Variants in COL28A1 observed in about 807,000 individuals in gnomAD.
The protein encoded by COL28A1 is collagen type XXVIII alpha 1 chain.
In COL28A1, 161 loss-of-function variants were observed where a neutral mutation model predicts 150.2. That is an observed-to-expected ratio of 1.07 (90% CI 0.94 to 1.22). COL28A1 has a LOEUF of 1.22. Ranked by LOEUF, COL28A1 falls within the 50% of genes most tolerant of loss-of-function variation. The pLI is 0.00. For missense variants in COL28A1, 1,617 were observed against 1,388.3 expected (o/e 1.16, Z -2.62); for synonymous variants, 552 against 469.7 (o/e 1.18, Z -2.26).
At chr7:7,374,038 A>AAAAAAAAAAAATATATATATATATATAT in intron 31 of COL28A1, among the ~76,000 whole-genome samples, 1 of 113,658 alleles carries the variant, frequency 8.8e-6, no homozygotes, top group African/African-American at 3.8e-5. Flanking sequence ...AAAAAAAAAA[A>AAAAAAAAAAAATATATATATATATATAT]ATATATATAT....
At chr7:7,520,777 GCTTT>G (rs1044134053) in intron 5 of COL28A1, among the ~76,000 whole-genome samples, 1 of 152,090 alleles carries the variant, frequency 6.6e-6, no homozygotes, top group African/African-American at 2.4e-5. Flanking sequence ...GCAATTGTGA[GCTTT>G]CTTATTGCTC....
intron 27 of COL28A1, 42 bp downstream of exon 27, chr7:7,417,817 G>A: frequency 6.6e-7 from 1 of 1,520,898 alleles, no homozygotes; most frequent in Middle Eastern, 1.7e-4. Context: ...CAATCACTCT[G>A]GTGAAATCAG....
At chr7:7,530,782 T>G (rs1398587692) in intron 3 of COL28A1, among the ~76,000 whole-genome samples, 1 of 152,164 alleles carries the variant, frequency 6.6e-6, no homozygotes, top group East Asian at 1.9e-4. Context: ...TGATTTTAAA[T>G]TGGATGGGCT....
At chr7:7,457,886 G>A (rs1405333180) in intron 15 of COL28A1, among the ~76,000 whole-genome samples, 1 of 152,210 alleles carries the variant, frequency 6.6e-6, no homozygotes, top group Non-Finnish European at 1.5e-5. Flanking sequence ...GTTGTATTTA[G>A]ACTACATTAG....
In COL28A1 at chr7:7,522,719, CT is replaced by C. The variant is rs1196681206; in HGVS notation, c.703-759del. 2.7e-5 allele frequency among the ~76,000 whole-genome samples: 4 copies of C among 148,294 alleles called. No individual in the cohort carries two copies. The East Asian group carries it at 7.9e-4, about 29-fold the overall frequency. On this transcript the variant is annotated intron_variant, in intron 4 of 34. Transcript: ENST00000399429. ...TTCAGATTTACCAGGGGTGTCTAAT[CT>C]TTTGGCTTCCCTGGGCCACATTGGA...
At chr7:7,370,002 A>T (rs1210332811) in intron 33 of COL28A1, among the ~76,000 whole-genome samples, 4 of 152,144 alleles carry the variant, frequency 2.6e-5, no homozygotes, top group Non-Finnish European at 5.9e-5. Context: ...TATAGCACTC[A>T]TCGGTAACTA....
chr7:7,348,653 T>A, the COL28A1 span, among the ~76,000 whole-genome samples: 2 of 151,914 alleles, frequency 1.3e-5, no homozygotes, highest in African/African-American at 4.8e-5. Flanking sequence ...CTCTTTTTTT[T>A]TTATTATTCG....
chr7:7,514,596 T>C (rs935304527), intron 8 of COL28A1, among the ~76,000 whole-genome samples: 4 of 152,246 alleles, frequency 2.6e-5, no homozygotes, highest in African/African-American at 9.6e-5. Context: ...GAAGCCCACA[T>C]ACCATGTGTC....
At chr7:7,397,649 C>G (rs1247508443) in intron 27 of COL28A1, among the ~76,000 whole-genome samples, 1 of 152,130 alleles carries the variant, frequency 6.6e-6, no homozygotes, top group East Asian at 1.9e-4. Context: ...TTCAGTAGTC[C>G]ACACTTCTCA....
rs184458563 is a variant in COL28A1, at chr7:7,513,703, A to G, written c.882+2111T>C. On this transcript the variant is annotated intron_variant, in intron 8 of 34. Coordinates refer to ENST00000399429, the MANE Select transcript of COL28A1 (RefSeq NM_001037763.3). ...AAATATAAAACAGAAAGTACCATAA[A>G]TACACTCAAAATGCTTTTGGCTACA... Among the ~76,000 whole-genome samples the G allele has an allele frequency of 8.5e-5, 13 of 152,350 alleles. No homozygotes were observed. The East Asian group carries it at 1.7e-3, about 20-fold the overall frequency.
At chr7:7,408,821 A>G (rs1451264313) in intron 27 of COL28A1, among the ~76,000 whole-genome samples, 3 of 152,148 alleles carry the variant, frequency 2.0e-5, no homozygotes, top group East Asian at 1.9e-4. Flanking sequence ...TATACCTCAC[A>G]TCTCCATGTG....
chr7:7,418,436 C>T (rs1400669444), intron 26 of COL28A1, among the ~76,000 whole-genome samples: 2 of 152,218 alleles, frequency 1.3e-5, no homozygotes, highest in African/African-American at 2.4e-5. Context: ...TTCCCAGTAT[C>T]TGTTCATAAA....
At chr7:7,463,486 T>C (rs539012873) in intron 15 of COL28A1, among the ~76,000 whole-genome samples, 1 of 152,302 alleles carries the variant, frequency 6.6e-6, no homozygotes, top group East Asian at 1.9e-4. Context: ...GCAGAAACTC[T>C]ACAAGCTAGA....
chr7:7,400,591 C>T lies in COL28A1; in HGVS notation c.2136+17268G>A, dbSNP rs575922977. 5.9e-5 allele frequency among the ~76,000 whole-genome samples: 9 copies of T among 152,136 alleles called. No individual in the cohort carries two copies. In the South Asian group the frequency reaches 1.9e-3, roughly 32 times the overall value. On this transcript the variant is annotated intron_variant, in intron 27 of 34. Transcript: ENST00000399429. The stretch of plus-strand genomic sequence containing the variant: ...TCCCTTTCTTATTTGAAAAATCAAG[C>T]ACATGCCTAGCAACTCCTTCCTCTT...
intron 11 of COL28A1, among the ~76,000 whole-genome samples, chr7:7,492,854 T>G (rs980419349): frequency 6.6e-6 from 1 of 151,202 alleles, no homozygotes; most frequent in African/African-American, 2.4e-5. Flanking sequence ...CTTAAACTCC[T>G]AAGGTTGTAC....
intron 27 of COL28A1, among the ~76,000 whole-genome samples, chr7:7,398,772 G>A (rs1186690083): frequency 1.3e-5 from 2 of 152,190 alleles, no homozygotes; most frequent in Non-Finnish European, 2.9e-5. Flanking sequence ...TATGACAGTT[G>A]ACTCTGCTAG....
At chr7:7,353,890 A>G (rs1302366157), downstream of COL28A1, among the ~76,000 whole-genome samples, 1 of 152,158 alleles carries the variant, frequency 6.6e-6, no homozygotes, top group Non-Finnish European at 1.5e-5. Context: ...CTATGTTTTA[A>G]TGCACTGTGG....
intron 11 of COL28A1, among the ~76,000 whole-genome samples, chr7:7,495,313 C>G (rs1018499336): frequency 1.3e-5 from 2 of 152,050 alleles, no homozygotes; most frequent in Admixed American, 1.3e-4. Flanking sequence ...TTCAAATGCC[C>G]AGTAGACACA....
Position 7,443,653 on chromosome 7 carries a change from C to T in COL28A1, c.1582G>A (p.Gly528Arg). 1 of 1,613,996 alleles carries T rather than the reference C, an allele frequency of 6.2e-7. No homozygotes were observed. The highest frequency in any genetic ancestry group is 8.5e-7 in the Non-Finnish European group (1 of 1,179,984). The change falls in exon 20 of 35, where the codon GGA (glycine) becomes AGA (arginine). Residue 528 changes from glycine (G) to arginine (R), a missense_variant and splice_region_variant. Transcript: ENST00000399429. ...CTTGCTCCCGGAAGCCCCGCTTCTC[C>T]CTAGAGAAAATGACACTGATGTGTT... The part of the protein sequence containing the change: ...PGEDGAAGKK[G>R]EAGLPGARGP...
Sources: gnomAD v4.1 joint callset for allele counts (sites outside exome capture counted in the v4.1 genomes callset) on GRCh38, gnomAD v4.1.1 for gene constraint, MANE v1.5 for transcripts, NCBI Gene and HGNC (gene_info 2026-07-23, HGNC 2026-07-21) for gene names.